Variants in ITGA11 observed in about 807,000 individuals in gnomAD.
ITGA11 encodes integrin subunit alpha 11, also known as integrin alpha-11.
Under a neutral mutation model 141.9 loss-of-function variants are expected in ITGA11, and 97 were observed. That is an observed-to-expected ratio of 0.68 (90% CI 0.58 to 0.81). The LOEUF is 0.81. Among genes scored for constraint, ITGA11 ranks in the 30% least tolerant of loss-of-function variants. The pLI is 0.00. For synonymous variants in ITGA11, 658 were observed against 624.6 expected, an observed-to-expected ratio of 1.05 and a Z score of -0.80; for missense variants, 1,387 against 1,559.2, an observed-to-expected ratio of 0.89 and a Z score of 1.86.
Position 68,320,170 on chromosome 15 carries a change from T to C in ITGA11, c.2616+15A>G, listed in dbSNP as rs2140286441. The C allele has an allele frequency of 6.2e-7, 1 of 1,612,872 alleles. No individual in the cohort carries two copies. Among genetic ancestry groups the C allele is most frequent in the Non-Finnish European group, 8.5e-7 (1 of 1,179,030 alleles). On this transcript the variant is annotated intron_variant, in intron 20 of 29. Coordinates refer to ENST00000315757, the MANE Select transcript of ITGA11 (RefSeq NM_001004439.2). ...GCCAGGCAGAGGCAGTCTGGGCAGG[T>C]CGCTGAGGTCTTACCTTCTGGATCA...
At position 68,326,792 on chromosome 15, in the gene ITGA11, G is replaced by A. The variant is rs1303083549; in HGVS notation, c.2073C>T (p.Ile691=). The A allele has an allele frequency of 6.3e-7, 1 of 1,579,068 alleles. No homozygotes were observed. Among genetic ancestry groups the A allele is most frequent in the Admixed American group, 1.8e-5 (1 of 55,466 alleles). The change falls in exon 17 of 30, where the codon ATC becomes ATT. Residue 691 remains isoleucine (I), a synonymous_variant. Transcript: ENST00000315757. This position sits in a 1 kb window ranked among gnomAD's most constrained non-coding sequence, Gnocchi z 6.8. ...TCTCATCCATGGTGGCGTTGTATCT[G>A]ATGCCTGCAGGAGGGGAGAGGGCAA... ...APHFQTTTVG[I]RYNATMDERR... is the part of the protein sequence containing the mutation.
At chr15:68,309,452 GTA>G (rs1491173700) in intron 26 of ITGA11, among the ~76,000 whole-genome samples, 1 of 152,084 alleles carries the variant, frequency 6.6e-6, no homozygotes, top group Non-Finnish European at 1.5e-5. Flanking sequence ...GAATTAAAAG[GTA>G]AAAATTAAAA....
intron 7 of ITGA11, among the ~76,000 whole-genome samples, chr15:68,352,100 C>CAAACAAA (rs1567140805): frequency 2.6e-3 from 100 of 38,260 alleles, no homozygotes; most frequent in African/African-American, 7.2e-3. Flanking sequence ...AAACAAACAA[C>CAAACAAA]CAAACAAACA....
intron 10 of ITGA11, among the ~76,000 whole-genome samples, chr15:68,340,221 A>AG (rs1169417587): frequency 2.6e-5 from 4 of 151,726 alleles, no homozygotes; most frequent in Non-Finnish European, 5.9e-5. Flanking sequence ...TACAAAAAAA[A>AG]AAAAAATACT....
At chr15:68,339,372 T>C (rs751400527) in intron 11 of ITGA11, 128 bp downstream of exon 11, 22 of 1,052,742 alleles carry the variant, frequency 2.1e-5, no homozygotes, top group Non-Finnish European at 3.0e-5. Flanking sequence ...TCTTCAGAGT[T>C]GGGTGCTTGA....
At chr15:68,386,517 T>C (rs1340181835) in intron 2 of ITGA11, among the ~76,000 whole-genome samples, 1 of 152,192 alleles carries the variant, frequency 6.6e-6, no homozygotes, top group African/African-American at 2.4e-5. Flanking sequence ...CCACCATGTC[T>C]GTCCCTCCAT....
chr15:68,415,399 T>C (rs1349510566), intron 1 of ITGA11, among the ~76,000 whole-genome samples: 1 of 152,106 alleles, frequency 6.6e-6, no homozygotes. Flanking sequence ...GAAGGCTGGA[T>C]AGAGAGACTG....
At chr15:68,362,193 G>A (rs1895264738) in intron 4 of ITGA11, among the ~76,000 whole-genome samples, 1 of 152,184 alleles carries the variant, frequency 6.6e-6, no homozygotes, top group African/African-American at 2.4e-5. Flanking sequence ...AGATAAGAAT[G>A]TCTGTATTCT....
chr15:68,309,892 C>T (rs1043798519), intron 26 of ITGA11, among the ~76,000 whole-genome samples: 3 of 152,146 alleles, frequency 2.0e-5, no homozygotes, highest in African/African-American at 4.8e-5. Context: ...CATGAGCCAC[C>T]GTGCACGGCC....
At position 68,307,809 on chromosome 15, in the gene ITGA11, G is replaced by T; in HGVS notation, c.3175-113C>A. The T allele has an allele frequency of 3.0e-6, 2 of 676,794 alleles. No individual in the cohort carries two copies. Among genetic ancestry groups the T allele is most frequent in the Non-Finnish European group, 2.5e-6 (1 of 393,750 alleles). 41.9% of individuals were successfully genotyped at this position (676,794 alleles called of 1,614,324 possible). ...CCTGGGGGCAGGGGCAGAGGACAGG[G>T]GACAAAGAGAAAGTTGGGAGTGGGG... On this transcript the variant is annotated intron_variant, in intron 26 of 29. Coordinates refer to ENST00000315757, the MANE Select transcript of ITGA11 (RefSeq NM_001004439.2). The surrounding 1 kb of genome is among the most constrained non-coding windows in gnomAD (Gnocchi z 6.1).
At chr15:68,347,632 C>A (rs1220558241) in intron 10 of ITGA11, among the ~76,000 whole-genome samples, 1 of 152,138 alleles carries the variant, frequency 6.6e-6, no homozygotes, top group African/African-American at 2.4e-5. Context: ...TGACTCAGAC[C>A]CCCGGAGATT....
intron 2 of ITGA11, among the ~76,000 whole-genome samples, chr15:68,371,369 C>A (rs1455347067): frequency 6.6e-6 from 1 of 152,170 alleles, no homozygotes; most frequent in African/African-American, 2.4e-5. Context: ...TGGAGGAGCA[C>A]CTCTCAGGGT....
At chr15:68,403,134 T>G (rs1274758625) in intron 1 of ITGA11, 105 bp from the exon 2 acceptor site, 1 of 730,592 alleles carries the variant, frequency 1.4e-6, no homozygotes, top group Non-Finnish European at 2.4e-6. Flanking sequence ...CCTTGGAGGG[T>G]CTTGGCTGTG....
chr15:68,320,180 C>T lies in ITGA11; in HGVS notation c.2616+5G>A, dbSNP rs759469368. 6.2e-7 allele frequency: 1 copy of T among 1,613,842 alleles called. No homozygotes were observed. Among genetic ancestry groups the T allele is most frequent in the Admixed American group, 1.7e-5 (1 of 60,032 alleles). ...GGCAGTCTGGGCAGGTCGCTGAGGTCTTACCTTCTGGATCAAGCTGGCAAA... is the reference window on the plus strand; with the variant it reads ...GGCAGTCTGGGCAGGTCGCTGAGGTTTTACCTTCTGGATCAAGCTGGCAAA... On this transcript the variant is annotated splice_donor_5th_base_variant and intron_variant, in intron 20 of 29. Transcript: ENST00000315757.
chr15:68,319,618 C>T (rs753992571), intron 20 of ITGA11, among the ~76,000 whole-genome samples: 3 of 152,226 alleles, frequency 2.0e-5, no homozygotes, highest in African/African-American at 4.8e-5. Context: ...GGGGAAGAAC[C>T]GGTTCTGATT....
chr15:68,411,997 C>G (rs1331807564), intron 1 of ITGA11, among the ~76,000 whole-genome samples: 38 of 152,116 alleles, frequency 2.5e-4, no homozygotes, highest in South Asian at 2.1e-4. Context: ...CCCAGTGAGC[C>G]CAGCAGAGCC....
intron 2 of ITGA11, among the ~76,000 whole-genome samples, chr15:68,396,375 T>TA (rs913945105): frequency 1.3e-5 from 2 of 151,986 alleles, no homozygotes; most frequent in African/African-American, 4.8e-5. Context: ...TCATAATTTT[T>TA]AAAAAAACCA....
chr15:68,397,610 T>G (rs1157601553), intron 2 of ITGA11, among the ~76,000 whole-genome samples: 1 of 68,024 alleles, frequency 1.5e-5, no homozygotes, highest in South Asian at 5.6e-4. Flanking sequence ...TTTAAAATAT[T>G]ATATTTAAAA....
chr15:68,390,614 G>T (rs1289383422), intron 2 of ITGA11, among the ~76,000 whole-genome samples: 1 of 152,224 alleles, frequency 6.6e-6, no homozygotes, highest in Non-Finnish European at 1.5e-5. Flanking sequence ...GGTGTCGGAA[G>T]CCAGGTCCAT....
Sources: gnomAD v4.1 joint callset for allele counts (sites outside exome capture counted in the v4.1 genomes callset) on GRCh38, gnomAD v4.1.1 for gene constraint, Gnocchi (gnomAD v3.1) non-coding constraint, MANE v1.5 for transcripts, NCBI Gene and HGNC (gene_info 2026-07-23, HGNC 2026-07-21) for gene names.